The following FAM20B variants were observed in gnomAD, a reference collection of about 807,000 sequenced individuals.
FAM20B encodes the protein FAM20B glycosaminoglycan xylosylkinase, also known as glycosaminoglycan xylosylkinase.
Under a neutral mutation model 43.8 loss-of-function variants are expected in FAM20B, and 23 were observed. That is an observed-to-expected ratio of 0.53 (90% CI 0.38 to 0.74). The LOEUF is 0.74. Among genes scored for constraint, FAM20B ranks in the 30% least tolerant of loss-of-function variants. The probability of loss-of-function intolerance (pLI) is 0.00; values close to 1 mark genes in which losing one functional copy is unlikely to be tolerated. For missense variants in FAM20B, 440 were observed against 510.5 expected (o/e 0.86, Z 1.33); for synonymous variants, 178 against 192.4 (o/e 0.93, Z 0.62).
At chr1:179,049,780 G>A (rs1320356232) in intron 2 of FAM20B, among the ~76,000 whole-genome samples, 1 of 152,226 alleles carries the variant, frequency 6.6e-6, no homozygotes. Context: ...GACCTCAGGT[G>A]ATCCACCCAT....
At chr1:179,056,045 G>A (rs773983389) in intron 4 of FAM20B, among the ~76,000 whole-genome samples, 11 of 152,086 alleles carry the variant, frequency 7.2e-5, no homozygotes, top group Admixed American at 2.0e-4. Flanking sequence ...CCAAATAACC[G>A]CTGCCCGTCA....
intron 2 of FAM20B, among the ~76,000 whole-genome samples, chr1:179,046,268 A>C (rs1275155043): frequency 6.6e-6 from 1 of 152,236 alleles, no homozygotes; most frequent in Non-Finnish European, 1.5e-5. Flanking sequence ...TTAGCTTTGA[A>C]GTTTGGTCTT....
chr1:179,046,944 G>A (rs1289040872), intron 2 of FAM20B, among the ~76,000 whole-genome samples: 2 of 151,996 alleles, frequency 1.3e-5, no homozygotes, highest in Non-Finnish European at 2.9e-5. Context: ...GTAGTGAGCC[G>A]AGATCACGCC....
At chr1:179,021,564 T>G (rs561241239), upstream of FAM20B, among the ~76,000 whole-genome samples, 1 of 152,196 alleles carries the variant, frequency 6.6e-6, no homozygotes, top group African/African-American at 2.4e-5. Context: ...GTTAAACAAA[T>G]TTCTATAGCC....
chr1:179,032,537 C>T (rs1650060011), intron 1 of FAM20B, among the ~76,000 whole-genome samples: 1 of 151,904 alleles, frequency 6.6e-6, no homozygotes, highest in Admixed American at 6.6e-5. Context: ...TTCCCAAGAC[C>T]CACATTAGGT....
At chr1:179,028,880 A>G (rs1312894108) in intron 1 of FAM20B, among the ~76,000 whole-genome samples, 1 of 152,240 alleles carries the variant, frequency 6.6e-6, no homozygotes, top group Non-Finnish European at 1.5e-5. Flanking sequence ...TAAATTATTT[A>G]GTTCCTCTTT....
intron 1 of FAM20B, among the ~76,000 whole-genome samples, chr1:179,037,906 A>C (rs1050081152): frequency 6.6e-6 from 1 of 152,160 alleles, no homozygotes; most frequent in Non-Finnish European, 1.5e-5. Flanking sequence ...AAGTTTCAAA[A>C]CTTAAAAGGA....
intron 1 of FAM20B, among the ~76,000 whole-genome samples, chr1:179,041,316 G>A (rs1650514643): frequency 6.6e-6 from 1 of 152,198 alleles, no homozygotes; most frequent in Non-Finnish European, 1.5e-5. Context: ...GCTGGGAGGT[G>A]GAGGTTGTAG....
intron 1 of FAM20B, among the ~76,000 whole-genome samples, chr1:179,038,411 CAAAAA>C (rs34979873): frequency 7.5e-6 from 1 of 132,888 alleles, no homozygotes; most frequent in Non-Finnish European, 1.6e-5. Context: ...AACTGCATCT[CAAAAA>C]AAAAAAAAAA....
intron 1 of FAM20B, among the ~76,000 whole-genome samples, chr1:179,030,401 C>G (rs893138249): frequency 6.6e-6 from 1 of 152,094 alleles, no homozygotes; most frequent in Admixed American, 6.5e-5. Flanking sequence ...TCAGCCCTGT[C>G]TTGTATCATC....
intron 7 of FAM20B, among the ~76,000 whole-genome samples, chr1:179,070,873 A>G (rs1651893079): frequency 6.6e-6 from 1 of 152,044 alleles, no homozygotes; most frequent in South Asian, 2.1e-4. Flanking sequence ...CAGAGCACTC[A>G]TGGCCTAACG....
intron 1 of FAM20B, among the ~76,000 whole-genome samples, chr1:179,029,040 G>C (rs1332986514): frequency 6.6e-6 from 1 of 152,240 alleles, no homozygotes; most frequent in Non-Finnish European, 1.5e-5. Flanking sequence ...GTCAAGTGCA[G>C]CTTCACAACC....
At chr1:179,070,265 C>T (rs982086812) in intron 7 of FAM20B, among the ~76,000 whole-genome samples, 18 of 151,906 alleles carry the variant, frequency 1.2e-4, no homozygotes, top group Non-Finnish European at 2.4e-4. Context: ...AGGCTGGTCT[C>T]GAACTCCTGA....
chr1:179,048,025 G>A (rs1279455635), intron 2 of FAM20B, among the ~76,000 whole-genome samples: 1 of 152,056 alleles, frequency 6.6e-6, no homozygotes, highest in Non-Finnish European at 1.5e-5. Flanking sequence ...ATAGGTAGAT[G>A]ATATATATGG....
chr1:179,040,980 C>CG (rs1227944383), intron 1 of FAM20B, among the ~76,000 whole-genome samples: 3 of 135,818 alleles, frequency 2.2e-5, no homozygotes, highest in East Asian at 2.3e-4. Flanking sequence ...CCAGACGGGG[C>CG]CGGCGGGCAG....
chr1:179,056,058 T>C (rs1024318278), intron 4 of FAM20B, among the ~76,000 whole-genome samples: 3 of 152,194 alleles, frequency 2.0e-5, no homozygotes, highest in Admixed American at 6.5e-5. Context: ...GCCCGTCACA[T>C]GCATAGTTTC....
At chr1:179,036,611 A>G (rs1650238705) in intron 1 of FAM20B, among the ~76,000 whole-genome samples, 1 of 152,182 alleles carries the variant, frequency 6.6e-6, no homozygotes, top group African/African-American at 2.4e-5. Context: ...CAGTTTGCAC[A>G]ATATAGTATA....
chr1:179,029,384 A>G (rs968103438), intron 1 of FAM20B, among the ~76,000 whole-genome samples: 1 of 152,234 alleles, frequency 6.6e-6, no homozygotes, highest in Non-Finnish European at 1.5e-5. Context: ...ACTAACTTAC[A>G]ATGTCAGCAT....
At chr1:179,056,137 A>G (rs1457215847) in intron 4 of FAM20B, among the ~76,000 whole-genome samples, 1 of 152,242 alleles carries the variant, frequency 6.6e-6, no homozygotes, top group Non-Finnish European at 1.5e-5. Flanking sequence ...CTGACACATC[A>G]TAATCACCCA....
Sources: allele counts gnomAD v4.1 joint callset (sites outside exome capture counted in the v4.1 genomes callset), GRCh38; gene constraint gnomAD v4.1.1; transcripts MANE v1.5; gene names NCBI Gene and HGNC (gene_info 2026-07-23, HGNC 2026-07-21).